The following MYLK4 variants were observed in gnomAD, a reference collection of about 807,000 sequenced individuals.
MYLK4 encodes the protein caMLCK like.
Under a neutral mutation model 48.1 loss-of-function variants are expected in MYLK4, and 46 were observed. The observed-to-expected ratio is 0.96, with a 90% CI of 0.75 to 1.22. MYLK4 has a LOEUF of 1.22. Among genes scored for constraint, MYLK4 ranks in the 50% most tolerant of loss-of-function variants. The pLI, the probability that MYLK4 is intolerant of heterozygous loss-of-function variation, is 0.00. For synonymous variants in MYLK4, 170 were observed against 180.8 expected (o/e 0.94, Z 0.48); for missense variants, 451 against 486.1 (o/e 0.93, Z 0.68).
Position 2,663,849 on chromosome 6 carries a change from A to T in MYLK4, c.*4076T>A, listed in dbSNP as rs1334314659. On this transcript the variant is annotated 3_prime_UTR_variant, in exon 13 of 13. Transcript: ENST00000274643. ...GACTCACTGACATCTATCAGCTGAG[A>T]CGACAGCAAAATACACATTAGGTAA... 1 of 152,640 alleles carries T rather than the reference A, an allele frequency of 6.6e-6. No individual in the cohort carries two copies. The highest frequency in any genetic ancestry group is 1.5e-5 in the Non-Finnish European group (1 of 68,052). The allele number at this position is 152,640 out of a possible 1,614,324, so 9.5% of individuals were successfully genotyped here.
chr6:2,700,599 C>T (rs1229379166), intron 2 of MYLK4, among the ~76,000 whole-genome samples: 8 of 152,100 alleles, frequency 5.3e-5, no homozygotes. Context: ...CCTCCTTATC[C>T]TCCACCCAGG....
rs542396141 is a variant in MYLK4, at chr6:2,683,170, G to C, written c.546-8C>G. The C allele has an allele frequency of 3.0e-5, 49 of 1,614,094 alleles. No individual in the cohort carries two copies. The South Asian group carries it at 4.8e-4, about 16-fold the overall frequency. Reference sequence around the variant, plus strand: ...AGCTCCCCACCATCCACACTGCAGAGGGAAGAGGACTGAAACCCTCAGTCC... The same window carrying C: ...AGCTCCCCACCATCCACACTGCAGACGGAAGAGGACTGAAACCCTCAGTCC... On this transcript the variant is annotated splice_polypyrimidine_tract_variant and splice_region_variant and intron_variant, in intron 6 of 12. Transcript: ENST00000274643.
chr6:2,682,144 G>C (rs942246264), intron 7 of MYLK4, among the ~76,000 whole-genome samples: 12 of 152,216 alleles, frequency 7.9e-5, no homozygotes, highest in Non-Finnish European at 1.8e-4. Context: ...AATTTATTTA[G>C]CTATGCAATC....
the MYLK4 span, chr6:2,765,609 G>A: frequency 1.3e-6 from 2 of 1,506,436 alleles, no homozygotes; most frequent in Non-Finnish European, 1.8e-6. Context: ...GCGCCGGGGA[G>A]GGCGGCGGCC....
chr6:2,748,957 C>G (rs1764190520), intron 2 of MYLK4, among the ~76,000 whole-genome samples, 179 bp downstream of exon 2: 1 of 152,226 alleles, frequency 6.6e-6, no homozygotes, highest in Admixed American at 6.5e-5. Flanking sequence ...GTTTCAAAGG[C>G]CTCCTAATTA....
At chr6:2,766,507 C>G in the MYLK4 span, 1 of 1,436,328 alleles carries the variant, frequency 7.0e-7, no homozygotes, top group Non-Finnish European at 9.2e-7. Context: ...AGCTGATGGT[C>G]GGAGAGCCGG....
In MYLK4 at chr6:2,678,215, G is replaced by A. The variant is rs772455728; in HGVS notation, c.1040+5C>T. 22 of 1,613,494 alleles carry A rather than the reference G, an allele frequency of 1.4e-5. No homozygotes were observed. The highest frequency in any genetic ancestry group is 9.3e-5 in the African/African-American group (7 of 74,884). On this transcript the variant is annotated splice_donor_5th_base_variant and intron_variant, in intron 10 of 12. Transcript: ENST00000274643. ...CGCCCGGAGCACAGGACGAACTTGCGTTACCTCTTCTCCTTAATCAGAAGC... is the reference window on the plus strand; with the variant it reads ...CGCCCGGAGCACAGGACGAACTTGCATTACCTCTTCTCCTTAATCAGAAGC...
the MYLK4 span, among the ~76,000 whole-genome samples, chr6:2,767,966 G>C: frequency 6.6e-6 from 1 of 152,200 alleles, no homozygotes; most frequent in African/African-American, 2.4e-5. Context: ...TTTAGGTGCA[G>C]ATTTGTCACA....
At chr6:2,765,205 G>A in the MYLK4 span, among the ~76,000 whole-genome samples, 1 of 64,028 alleles carries the variant, frequency 1.6e-5, no homozygotes. Flanking sequence ...CCCCTCCCCC[G>A]CCCCCGCAAA....
chr6:2,735,401 C>T (rs532799196), intron 2 of MYLK4, among the ~76,000 whole-genome samples: 152 of 152,144 alleles, frequency 1.0e-3, no homozygotes, highest in Non-Finnish European at 5.7e-4. Flanking sequence ...AATATACAAA[C>T]GCTATATTAT....
chr6:2,748,033 T>C (rs1170761436), intron 2 of MYLK4, among the ~76,000 whole-genome samples: 1 of 152,238 alleles, frequency 6.6e-6, no homozygotes, highest in Non-Finnish European at 1.5e-5. Flanking sequence ...TCCTAGACCT[T>C]TTATATACAA....
chr6:2,691,105 C>T (rs528581095), intron 3 of MYLK4, among the ~76,000 whole-genome samples: 36 of 152,288 alleles, frequency 2.4e-4, no homozygotes, highest in African/African-American at 8.4e-4. Flanking sequence ...GCTGGGATTA[C>T]AGGCGTGAGC....
intron 2 of MYLK4, among the ~76,000 whole-genome samples, chr6:2,702,782 T>C (rs1272508953): frequency 6.6e-6 from 1 of 152,208 alleles, no homozygotes; most frequent in Non-Finnish European, 1.5e-5. Context: ...CTGTTATTTG[T>C]CAATTAGAAA....
chr6:2,692,892 A>T (rs756803024), intron 2 of MYLK4, 33 bp from the exon 3 acceptor site: 1 of 1,596,528 alleles, frequency 6.3e-7, no homozygotes, highest in Non-Finnish European at 8.6e-7. Flanking sequence ...TTGAAGTTAC[A>T]TATCACATCT....
At chr6:2,726,768 A>T (rs1329154856) in intron 2 of MYLK4, among the ~76,000 whole-genome samples, 1 of 151,952 alleles carries the variant, frequency 6.6e-6, no homozygotes, top group Non-Finnish European at 1.5e-5. Flanking sequence ...GCCCGCCACC[A>T]TGCCAGGCTA....
chr6:2,669,345 T>G (rs1249698282), intron 12 of MYLK4, among the ~76,000 whole-genome samples: 1 of 152,232 alleles, frequency 6.6e-6, no homozygotes, highest in Non-Finnish European at 1.5e-5. Context: ...CGTAGGCTGC[T>G]GTGGTCTTCC....
At chr6:2,761,128 G>GCTGACT in the MYLK4 span, among the ~76,000 whole-genome samples, 2 of 152,232 alleles carry the variant, frequency 1.3e-5, no homozygotes, top group South Asian at 4.2e-4. Flanking sequence ...CTGCAGCCAG[G>GCTGACT]CTGACTCTAC....
At chr6:2,723,756 C>A (rs1389209050) in intron 2 of MYLK4, among the ~76,000 whole-genome samples, 1 of 152,246 alleles carries the variant, frequency 6.6e-6, no homozygotes, top group African/African-American at 2.4e-5. Context: ...AGGTTGGCAG[C>A]ACTTTGGAGC....
chr6:2,692,110 T>C (rs1561843866), intron 3 of MYLK4, among the ~76,000 whole-genome samples: 1 of 152,226 alleles, frequency 6.6e-6, no homozygotes, highest in Non-Finnish European at 1.5e-5. Flanking sequence ...AGTATCTTCC[T>C]TAGAATGAAA....
Sources: gnomAD v4.1 joint callset for allele counts (sites outside exome capture counted in the v4.1 genomes callset) on GRCh38, gnomAD v4.1.1 for gene constraint, MANE v1.5 for transcripts, NCBI Gene and HGNC (gene_info 2026-07-23, HGNC 2026-07-21) for gene names.